Variants in IL20RA observed in about 807,000 individuals in gnomAD.
IL20RA encodes the protein interleukin-20 receptor subunit alpha.
IL20RA carries 29 observed loss-of-function variants against 36.5 expected under a neutral mutation model. That is an observed-to-expected ratio of 0.79 (90% CI 0.59 to 1.08). IL20RA has a LOEUF of 1.08. IL20RA is among the 50% of genes least tolerant of loss of function. The pLI, the probability that IL20RA is intolerant of heterozygous loss-of-function variation, is 0.00. For synonymous variants in IL20RA, 279 were observed against 267.1 expected, an observed-to-expected ratio of 1.04 and a Z score of -0.43; for missense variants, 652 against 668.4, an observed-to-expected ratio of 0.98 and a Z score of 0.27.
At chr6:137,015,994 A>C (rs549465717) in intron 2 of IL20RA, among the ~76,000 whole-genome samples, 1 of 152,188 alleles carries the variant, frequency 6.6e-6, no homozygotes, top group South Asian at 2.1e-4. Flanking sequence ...TTTCCATCAA[A>C]CACCCTCTCA....
chr6:137,028,151 C>T (rs759653823), intron 1 of IL20RA, among the ~76,000 whole-genome samples: 1 of 152,172 alleles, frequency 6.6e-6, no homozygotes, highest in Non-Finnish European at 1.5e-5. Context: ...GGCACAGTGG[C>T]TCACGCCTAT....
chr6:137,010,288 C>T (rs1775439721), intron 3 of IL20RA, among the ~76,000 whole-genome samples: 1 of 152,234 alleles, frequency 6.6e-6, no homozygotes, highest in South Asian at 2.1e-4. Flanking sequence ...CTACTCCACT[C>T]TTGCTGTATT....
intron 5 of IL20RA, among the ~76,000 whole-genome samples, chr6:137,006,461 T>C (rs1775285536): frequency 6.6e-6 from 1 of 152,202 alleles, no homozygotes; most frequent in Non-Finnish European, 1.5e-5. Context: ...TTGAAAAAAG[T>C]CATAACAATG....
chr6:137,016,608 A>C (rs1210306897), intron 2 of IL20RA, among the ~76,000 whole-genome samples: 1 of 152,168 alleles, frequency 6.6e-6, no homozygotes, highest in Non-Finnish European at 1.5e-5. Flanking sequence ...AGCTGATCAC[A>C]CCAAATGTGC....
chr6:137,015,946 C>T (rs1054123821), intron 2 of IL20RA, among the ~76,000 whole-genome samples: 1 of 152,144 alleles, frequency 6.6e-6, no homozygotes, highest in African/African-American at 2.4e-5. Flanking sequence ...TGAGAGCCAC[C>T]GTGTCCGGCC....
At chr6:137,036,418 T>A (rs146436971) in intron 1 of IL20RA, among the ~76,000 whole-genome samples, 79 of 152,298 alleles carry the variant, frequency 5.2e-4, no homozygotes, top group African/African-American at 1.4e-3. Context: ...TTTAAAGAGA[T>A]GAGCAAGTTA....
chr6:137,009,505 G>T lies in IL20RA; in HGVS notation c.404-13C>A. On this transcript the variant is annotated splice_polypyrimidine_tract_variant and intron_variant, in intron 3 of 6. Transcript: ENST00000316649. Reference sequence around the variant, plus strand: ...GGGCCAATTTGTGCTTAAAGGGGGAGAAAGAGGGTATTATCATGTTCAGAT... The same window carrying T: ...GGGCCAATTTGTGCTTAAAGGGGGATAAAGAGGGTATTATCATGTTCAGAT... 2 of 1,553,230 alleles carry T rather than the reference G, an allele frequency of 1.3e-6. No individual in the cohort carries two copies. Among genetic ancestry groups the T allele is most frequent in the Non-Finnish European group, 1.8e-6 (2 of 1,127,142 alleles).
chr6:137,004,857 T>C, intron 5 of IL20RA, 97 bp from the exon 6 acceptor site: 1 of 1,123,652 alleles, frequency 8.9e-7, no homozygotes, highest in Non-Finnish European at 1.3e-6. Flanking sequence ...AAGCTGCTTC[T>C]GTGCAGATCA....
intron 1 of IL20RA, 54 bp downstream of exon 1, chr6:137,044,587 G>C: frequency 8.2e-7 from 1 of 1,216,876 alleles, no homozygotes; most frequent in Non-Finnish European, 1.0e-6. Flanking sequence ...CTGCCTGGCG[G>C]GGCCCCGGCC....
intron 1 of IL20RA, among the ~76,000 whole-genome samples, chr6:137,024,578 C>G (rs1264852938): frequency 6.6e-6 from 1 of 152,220 alleles, no homozygotes; most frequent in Non-Finnish European, 1.5e-5. Flanking sequence ...TTCAGATGGG[C>G]AGGTCCAATG....
chr6:137,020,571 TAGTTTGATTTTA>T (rs1415586581), intron 1 of IL20RA, among the ~76,000 whole-genome samples: 2 of 151,432 alleles, frequency 1.3e-5, no homozygotes, highest in African/African-American at 4.9e-5. Flanking sequence ...TTCTTTCTAA[TAGTTTGATTTTA>T]TGTTTATGAA....
rs146490348 is a variant in IL20RA at position 137,014,700 on chromosome 6, T to TC, written c.224+2267dup. 3.0e-3 allele frequency among the ~76,000 whole-genome samples: 450 copies of TC among 150,612 alleles called. 1 individual carries two copies. The highest frequency in any genetic ancestry group is 8.3e-3 in the African/African-American group (341 of 40,990). On this transcript the variant is annotated intron_variant, in intron 2 of 6. Coordinates refer to ENST00000316649, the MANE Select transcript of IL20RA (RefSeq NM_014432.4). ...CTATGAAAATCAGTACACTTATAGT[T>TC]CCCCCCCCCTTTTCCACCTTATATT...
chr6:137,029,941 T>TAA (rs5880328), intron 1 of IL20RA, among the ~76,000 whole-genome samples: 97 of 149,870 alleles, frequency 6.5e-4, no homozygotes, highest in East Asian at 2.5e-3. Context: ...ATAGAAAAGG[T>TAA]AAAAAAAAAT....
At chr6:137,041,817 T>A (rs1013538357) in intron 1 of IL20RA, among the ~76,000 whole-genome samples, 4 of 150,296 alleles carry the variant, frequency 2.7e-5, no homozygotes, top group East Asian at 1.9e-4. Context: ...TTTTTTTAAA[T>A]ATATATATAT....
At chr6:137,011,512 C>A (rs757149703) in intron 2 of IL20RA, 60 bp from the exon 3 acceptor site, 1 of 1,147,688 alleles carries the variant, frequency 8.7e-7, no homozygotes, top group Non-Finnish European at 1.2e-6. Context: ...AATAAAAAAA[C>A]TCAGTCATTT....
intron 1 of IL20RA, among the ~76,000 whole-genome samples, chr6:137,019,467 C>T (rs1184860): frequency 0.57 from 86,989 of 151,974 alleles, 30,426 homozygotes; most frequent in East Asian, 0.91. Context: ...AATGACAGAG[C>T]TCTCAAGATG....
intron 1 of IL20RA, among the ~76,000 whole-genome samples, chr6:137,036,603 G>A (rs942905784): frequency 1.3e-5 from 2 of 152,120 alleles, no homozygotes; most frequent in Non-Finnish European, 1.5e-5. Context: ...AAGCCAAGGG[G>A]TGCCTAAGAT....
Position 137,044,633 on chromosome 6 carries a change from C to A in IL20RA, c.88+8G>T, listed in dbSNP as rs1393328019. ...CCCGACCCGCACCTGGCGGCGCGAC[C>A]CACCTACCTGCCCGTCCCCAAGGCG... On this transcript the variant is annotated splice_region_variant and intron_variant, in intron 1 of 6. Transcript: ENST00000316649. The A allele has an allele frequency of 2.5e-6, 3 of 1,222,234 alleles. No individual in the cohort carries two copies. Among genetic ancestry groups the A allele is most frequent in the East Asian group, 6.5e-5 (2 of 30,944 alleles). The allele number at this position is 1,222,234 out of a possible 1,614,324, so 75.7% of individuals were successfully genotyped here.
chr6:137,022,490 TA>T (rs1357164171), intron 1 of IL20RA, among the ~76,000 whole-genome samples: 2 of 152,216 alleles, frequency 1.3e-5, no homozygotes, highest in Non-Finnish European at 2.9e-5. Context: ...GTCTCCCATA[TA>T]AATCATACTA....
Sources: gnomAD v4.1 joint callset for allele counts (sites outside exome capture counted in the v4.1 genomes callset) on GRCh38, gnomAD v4.1.1 for gene constraint, MANE v1.5 for transcripts, NCBI Gene and HGNC (gene_info 2026-07-23, HGNC 2026-07-21) for gene names.